PXDNL: variants seen among roughly 807,000 people sequenced by gnomAD.
The protein encoded by PXDNL is peroxidasin like.
In PXDNL, 145 loss-of-function variants were observed where a neutral mutation model predicts 150.8. That is an observed-to-expected ratio of 0.96 (90% CI 0.84 to 1.10). The LOEUF (loss-of-function observed/expected upper bound fraction) is 1.10. Among genes scored for constraint, PXDNL ranks in the 50% least tolerant of loss-of-function variants. PXDNL has a pLI of 0.00. For synonymous variants in PXDNL, 757 were observed against 725.7 expected, an observed-to-expected ratio of 1.04 and a Z score of -0.69; for missense variants, 2,087 against 1,873.9, an observed-to-expected ratio of 1.11 and a Z score of -2.10.
At position 51,451,380 on chromosome 8, in the gene PXDNL, C is replaced by A. The variant is rs144264164; in HGVS notation, c.1249+2139G>T. 3.3e-3 allele frequency among the ~76,000 whole-genome samples: 499 copies of A among 152,288 alleles called. 4 individuals carry two copies. The highest frequency in any genetic ancestry group is 0.014 in the Middle Eastern group (4 of 294). On this transcript the variant is annotated intron_variant, in intron 10 of 22. Transcript: ENST00000356297. ...AAATTATGAACATCACCAAAGCAGG[C>A]AGAGAAGGTGGAATAATTAGACAGG...
At chr8:51,335,201 T>G (rs1247600934) in intron 21 of PXDNL, among the ~76,000 whole-genome samples, 4 of 152,148 alleles carry the variant, frequency 2.6e-5, no homozygotes, top group Non-Finnish European at 5.9e-5. Flanking sequence ...TTATATCAGT[T>G]TGTTTATTTG....
At chr8:51,598,284 T>C (rs1441625404) in intron 2 of PXDNL, among the ~76,000 whole-genome samples, 1 of 152,154 alleles carries the variant, frequency 6.6e-6, no homozygotes, top group African/African-American at 2.4e-5. Flanking sequence ...ATAGGAATGA[T>C]GGGTGTTGGC....
At chr8:51,649,198 G>T (rs2130793190) in intron 2 of PXDNL, among the ~76,000 whole-genome samples, 1 of 152,208 alleles carries the variant, frequency 6.6e-6, no homozygotes, top group Admixed American at 6.5e-5. Context: ...CTTCAGACAA[G>T]ACATGCTCGA....
At chr8:51,473,105 G>A (rs1344970153) in intron 7 of PXDNL, among the ~76,000 whole-genome samples, 1 of 151,588 alleles carries the variant, frequency 6.6e-6, no homozygotes, top group Non-Finnish European at 1.5e-5. Flanking sequence ...TAATATCTTG[G>A]CTTTATTCTT....
chr8:51,398,454 G>A (rs1586070355), intron 17 of PXDNL, among the ~76,000 whole-genome samples: 2 of 152,226 alleles, frequency 1.3e-5, no homozygotes, highest in Non-Finnish European at 2.9e-5. Context: ...AGTTGAATCA[G>A]AACACGGTGA....
rs976487892 is a variant in PXDNL at position 51,481,583 on chromosome 8, C to A, written c.524+2060G>T. ...TATGTCAGAGACCTTCACAGCAGCTCCTCCCATCACTGGCCTGGAGGCCTA... is the reference window on the plus strand; with the variant it reads ...TATGTCAGAGACCTTCACAGCAGCTACTCCCATCACTGGCCTGGAGGCCTA... On this transcript the variant is annotated intron_variant, in intron 6 of 22. Transcript: ENST00000356297. Among the ~76,000 whole-genome samples, 6 of 152,296 alleles carry A rather than the reference C, an allele frequency of 3.9e-5. No individual in the cohort carries two copies. The South Asian group carries it at 1.2e-3, about 32-fold the overall frequency.
intron 2 of PXDNL, among the ~76,000 whole-genome samples, chr8:51,645,471 G>A (rs963466048): frequency 1.3e-5 from 2 of 152,202 alleles, no homozygotes; most frequent in Admixed American, 6.5e-5. Context: ...TCACACGGCT[G>A]CTTGAGGAGC....
intron 1 of PXDNL, among the ~76,000 whole-genome samples, chr8:51,687,605 G>A (rs1489998210): frequency 6.6e-6 from 1 of 152,184 alleles, no homozygotes; most frequent in Non-Finnish European, 1.5e-5. Flanking sequence ...GATTCCACTT[G>A]ACCCAACAGT....
At chr8:51,404,231 A>C (rs1165899857) in intron 17 of PXDNL, among the ~76,000 whole-genome samples, 3 of 152,236 alleles carry the variant, frequency 2.0e-5, no homozygotes, top group African/African-American at 7.2e-5. Context: ...CACACTGTCG[A>C]AAGAGACCGG....
chr8:51,799,749 T>C (rs950707790), intron 1 of PXDNL, among the ~76,000 whole-genome samples: 3 of 152,202 alleles, frequency 2.0e-5, no homozygotes, highest in Non-Finnish European at 4.4e-5. Flanking sequence ...GGAGGCATTC[T>C]GATCTAGGTA....
chr8:51,611,359 G>A (rs969480288), intron 2 of PXDNL, among the ~76,000 whole-genome samples: 1 of 152,154 alleles, frequency 6.6e-6, no homozygotes, highest in African/African-American at 2.4e-5. Context: ...TGGATTTATT[G>A]TTGGTTAGTT....
intron 1 of PXDNL, among the ~76,000 whole-genome samples, chr8:51,713,355 G>A (rs979028600): frequency 1.3e-5 from 2 of 152,170 alleles, no homozygotes; most frequent in Non-Finnish European, 2.9e-5. Context: ...AAATTCCTAG[G>A]CAGTCTTATC....
intron 3 of PXDNL, among the ~76,000 whole-genome samples, chr8:51,562,805 T>C (rs1446115459): frequency 1.3e-5 from 2 of 151,912 alleles, no homozygotes; most frequent in African/African-American, 4.8e-5. Context: ...CTGAGATGGC[T>C]GTAAGATGTA....
At chr8:51,809,115 A>C in intron 1 of PXDNL, 66 bp downstream of exon 1, 1 of 1,529,216 alleles carries the variant, frequency 6.5e-7, no homozygotes, top group Non-Finnish European at 9.0e-7. Context: ...AAAAGGACAC[A>C]GGTCCTAGCA....
intron 1 of PXDNL, among the ~76,000 whole-genome samples, chr8:51,684,561 C>T (rs998264185): frequency 6.6e-6 from 1 of 152,190 alleles, no homozygotes; most frequent in Non-Finnish European, 1.5e-5. Context: ...TGTGATTATA[C>T]TGTTACATGC....
chr8:51,600,620 T>C (rs1813691697), intron 2 of PXDNL, among the ~76,000 whole-genome samples: 1 of 137,016 alleles, frequency 7.3e-6, no homozygotes, highest in Non-Finnish European at 1.5e-5. Context: ...TAATAAATTA[T>C]ATCTTATATA....
intron 4 of PXDNL, among the ~76,000 whole-genome samples, chr8:51,518,083 T>A (rs984688202): frequency 2.0e-5 from 3 of 152,208 alleles, no homozygotes; most frequent in Admixed American, 2.0e-4. Context: ...AACGTCAGGG[T>A]CAGTGTATCT....
intron 1 of PXDNL, among the ~76,000 whole-genome samples, chr8:51,762,093 G>A (rs1403816632): frequency 6.6e-6 from 1 of 152,114 alleles, no homozygotes; most frequent in Non-Finnish European, 1.5e-5. Context: ...TTGAATAAAT[G>A]AGCTGGAAGA....
chr8:51,644,318 T>TATATATATA (rs1814852884), intron 2 of PXDNL, among the ~76,000 whole-genome samples: 2 of 63,322 alleles, frequency 3.2e-5, no homozygotes, highest in South Asian at 7.7e-4. Flanking sequence ...AGGCACATTT[T>TATATATATA]TACATATATA....
Sources: gnomAD v4.1 joint callset for allele counts (sites outside exome capture counted in the v4.1 genomes callset) on GRCh38, gnomAD v4.1.1 for gene constraint, MANE v1.5 for transcripts, NCBI Gene and HGNC (gene_info 2026-07-23, HGNC 2026-07-21) for gene names.